The following WDR7 variants were observed in gnomAD, a reference collection of about 807,000 sequenced individuals.
WDR7 encodes WD repeat-containing protein 7.
A neutral mutation model predicts 169.4 loss-of-function variants in WDR7; 46 were observed. The ratio of observed to expected loss-of-function variants is 0.27; its 90% confidence interval spans 0.21 to 0.35. The LOEUF (loss-of-function observed/expected upper bound fraction) is 0.35. Ranked by LOEUF, WDR7 falls within the 10% of genes least tolerant of loss-of-function variation. The pLI is 1.00. For synonymous variants in WDR7, 612 were observed against 666.8 expected, an observed-to-expected ratio of 0.92 and a Z score of 1.27; for missense variants, 1,534 against 1,859.3, an observed-to-expected ratio of 0.83 and a Z score of 3.22.
At chr18:56,930,053 G>A (rs114760198) in intron 22 of WDR7, among the ~76,000 whole-genome samples, 2,352 of 152,172 alleles carry the variant, frequency 0.015, 55 homozygotes, top group African/African-American at 0.051. Flanking sequence ...GAGCAGTGCC[G>A]GCCCAGCTGC....
intron 27 of WDR7, among the ~76,000 whole-genome samples, chr18:57,025,495 G>A (rs2048354932): frequency 6.6e-6 from 1 of 152,176 alleles, no homozygotes; most frequent in Admixed American, 6.6e-5. Context: ...CTGAAAGGGT[G>A]ACAGTAAGGA....
intron 12 of WDR7, among the ~76,000 whole-genome samples, chr18:56,707,504 C>T (rs1257301315): frequency 1.3e-5 from 2 of 150,404 alleles, no homozygotes; most frequent in East Asian, 3.9e-4. Context: ...TTTTTACTCT[C>T]CTCTAATTCC....
chr18:56,792,992 T>G (rs1053343952), intron 19 of WDR7, among the ~76,000 whole-genome samples: 2 of 152,222 alleles, frequency 1.3e-5, no homozygotes, highest in Non-Finnish European at 2.9e-5. Flanking sequence ...GACTGCGCTC[T>G]TTGTAGAGCT....
intron 26 of WDR7, among the ~76,000 whole-genome samples, chr18:56,970,095 A>G (rs189208811): frequency 6.6e-6 from 1 of 152,316 alleles, no homozygotes; most frequent in African/African-American, 2.4e-5. Context: ...AAAAAATGTT[A>G]GCTATCCTAA....
At chr18:56,710,970 GCTTTT>G (rs2144711206) in intron 12 of WDR7, among the ~76,000 whole-genome samples, 1 of 151,248 alleles carries the variant, frequency 6.6e-6, no homozygotes, top group African/African-American at 2.4e-5. Flanking sequence ...GTTTGAATTT[GCTTTT>G]CTTTGATACC....
At chr18:56,708,665 T>C (rs2026015852) in intron 12 of WDR7, among the ~76,000 whole-genome samples, 1 of 152,146 alleles carries the variant, frequency 6.6e-6, no homozygotes, top group African/African-American at 2.4e-5. Flanking sequence ...TCAGGCGCGG[T>C]GGCTGACGCC....
At chr18:56,887,195 T>C (rs1599130840) in intron 21 of WDR7, among the ~76,000 whole-genome samples, 1 of 152,122 alleles carries the variant, frequency 6.6e-6, no homozygotes, top group Admixed American at 6.5e-5. Context: ...GACTGCTCAT[T>C]TGGATTGTTA....
chr18:56,667,978 C>A (rs1033447817), intron 1 of WDR7, among the ~76,000 whole-genome samples: 2 of 152,084 alleles, frequency 1.3e-5, no homozygotes, highest in African/African-American at 4.8e-5. Flanking sequence ...AACAGAGACG[C>A]CCCAGAAATA....
At chr18:56,902,606 T>C (rs1413115314) in intron 21 of WDR7, among the ~76,000 whole-genome samples, 2 of 152,212 alleles carry the variant, frequency 1.3e-5, no homozygotes, top group South Asian at 4.1e-4. Flanking sequence ...TTGTGTCATA[T>C]GAAATTGCCA....
chr18:56,713,666 G>T (rs2026131141), intron 12 of WDR7, among the ~76,000 whole-genome samples: 1 of 152,072 alleles, frequency 6.6e-6, no homozygotes, highest in Admixed American at 6.6e-5. Flanking sequence ...ACTTTTCGAG[G>T]TTGAAATGGA....
At chr18:56,763,017 G>A (rs1251354304) in intron 16 of WDR7, among the ~76,000 whole-genome samples, 1 of 151,718 alleles carries the variant, frequency 6.6e-6, no homozygotes, top group African/African-American at 2.4e-5. Context: ...CTGGAGTGCA[G>A]TGGCGCGATC....
intron 21 of WDR7, among the ~76,000 whole-genome samples, chr18:56,900,082 G>GTGTGTATATATATATATATA (rs1409730889): frequency 6.2e-5 from 2 of 32,052 alleles, no homozygotes; most frequent in African/African-American, 1.2e-4. Flanking sequence ...GTGTGTGTGT[G>GTGTGTATATATATATATATA]TATATATATA....
intron 21 of WDR7, among the ~76,000 whole-genome samples, chr18:56,910,155 G>A (rs1334405425): frequency 6.6e-6 from 1 of 152,128 alleles, no homozygotes; most frequent in Non-Finnish European, 1.5e-5. Flanking sequence ...AAAGAAAATT[G>A]CATAAAAGTA....
At chr18:56,827,675 G>A (rs1234590736) in intron 20 of WDR7, among the ~76,000 whole-genome samples, 1 of 152,036 alleles carries the variant, frequency 6.6e-6, no homozygotes, top group Non-Finnish European at 1.5e-5. Flanking sequence ...AAATAATTTA[G>A]TTGTACATTT....
At chr18:56,955,201 G>T (rs753473564) in intron 25 of WDR7, among the ~76,000 whole-genome samples, 1 of 152,210 alleles carries the variant, frequency 6.6e-6, no homozygotes, top group Non-Finnish European at 1.5e-5. Flanking sequence ...AATTATAGAT[G>T]TTACTTCTAT....
chr18:56,786,767 T>C (rs1288409034), intron 19 of WDR7, among the ~76,000 whole-genome samples: 1 of 152,024 alleles, frequency 6.6e-6, no homozygotes, highest in African/African-American at 2.4e-5. Flanking sequence ...ATGGCATACG[T>C]TCTTGTAATA....
In WDR7 at chr18:57,029,320, G is replaced by A. The variant is rs2048414567; in HGVS notation, c.*2113G>A. 6.6e-6 allele frequency: 1 copy of A among 152,168 alleles called. No homozygotes were observed. The highest frequency in any genetic ancestry group is 1.5e-5 in the Non-Finnish European group (1 of 68,040). The allele number at this position is 152,168 out of a possible 1,614,324, so 9.4% of individuals were successfully genotyped here. A position where few individuals can be genotyped will look rare whatever the true frequency, so the allele number is the denominator to read the frequency against. On this transcript the variant is annotated 3_prime_UTR_variant, in exon 28 of 28. Transcript: ENST00000254442. ...TATTCCGTCTGCACAGGCAACCAAG[G>A]CCAGTAGAAAGCTATGGCTGCAAAA...
intron 20 of WDR7, among the ~76,000 whole-genome samples, chr18:56,872,139 C>T (rs369197882): frequency 4.6e-5 from 7 of 152,142 alleles, no homozygotes; most frequent in East Asian, 1.9e-4. Flanking sequence ...CTCATAAAAC[C>T]GCCTTTAGCC....
intron 26 of WDR7, among the ~76,000 whole-genome samples, chr18:57,017,225 G>A (rs2048217920): frequency 6.6e-6 from 1 of 152,192 alleles, no homozygotes. Context: ...GCACCTCTCG[G>A]GCTGAGATTG....
Sources: gnomAD v4.1 joint callset for allele counts (sites outside exome capture counted in the v4.1 genomes callset) on GRCh38, gnomAD v4.1.1 for gene constraint, MANE v1.5 for transcripts, NCBI Gene and HGNC (gene_info 2026-07-23, HGNC 2026-07-21) for gene names.